The following CSMD1 variants were observed in gnomAD, a reference collection of about 807,000 sequenced individuals.
CSMD1 encodes CUB and Sushi multiple domains 1, also known as CUB and sushi domain-containing protein 1.
Under a neutral mutation model 417.5 loss-of-function variants are expected in CSMD1, and 213 were observed. The observed-to-expected ratio is 0.51, with a 90% CI of 0.46 to 0.57. CSMD1 has a LOEUF of 0.57. Among genes scored for constraint, CSMD1 ranks in the 20% least tolerant of loss-of-function variants. The probability of loss-of-function intolerance (pLI) is 0.00; values close to 1 mark genes in which losing one functional copy is unlikely to be tolerated. For synonymous variants in CSMD1, 2,862 were observed against 1,736.8 expected, an observed-to-expected ratio of 1.65 and a Z score of -16.11; for missense variants, 6,923 against 4,529.7, an observed-to-expected ratio of 1.53 and a Z score of -15.17.
chr8:3,670,906 T>A (rs1388186547), intron 7 of CSMD1, among the ~76,000 whole-genome samples: 1 of 118,058 alleles, frequency 8.5e-6, no homozygotes. Flanking sequence ...GATATATATG[T>A]ATATGGGATA....
chr8:3,696,961 G>A (rs1800586533), intron 7 of CSMD1, among the ~76,000 whole-genome samples: 1 of 152,112 alleles, frequency 6.6e-6, no homozygotes, highest in Non-Finnish European at 1.5e-5. Context: ...GGACTATAGA[G>A]TTTGGGACTG....
intron 5 of CSMD1, among the ~76,000 whole-genome samples, chr8:3,866,549 G>C (rs564018431): frequency 2.0e-5 from 3 of 152,146 alleles, no homozygotes; most frequent in African/African-American, 7.2e-5. Context: ...GTCTTTAAAT[G>C]ACCTTTTTAG....
intron 1 of CSMD1, among the ~76,000 whole-genome samples, chr8:4,923,498 C>A (rs1390319843): frequency 6.6e-6 from 1 of 150,934 alleles, no homozygotes; most frequent in Non-Finnish European, 1.5e-5. Context: ...TACTTTCTCT[C>A]TAAATATAAA....
At chr8:3,512,595 TTTTTC>T (rs1255529330) in intron 10 of CSMD1, among the ~76,000 whole-genome samples, 2 of 141,708 alleles carry the variant, frequency 1.4e-5, no homozygotes, top group African/African-American at 5.8e-5. Flanking sequence ...TACTTTAATT[TTTTTC>T]TTTTTTTTTT....
At chr8:3,923,926 GTTAGA>G (rs1020858503) in intron 5 of CSMD1, among the ~76,000 whole-genome samples, 26 of 152,174 alleles carry the variant, frequency 1.7e-4, no homozygotes, top group African/African-American at 5.6e-4. Flanking sequence ...TCATAAAAGA[GTTAGA>G]TTTTTCACCA....
chr8:4,346,158 A>T (rs1203649235), intron 3 of CSMD1, among the ~76,000 whole-genome samples: 1 of 152,174 alleles, frequency 6.6e-6, no homozygotes, highest in African/African-American at 2.4e-5. Flanking sequence ...CATGCTGGTC[A>T]ACTATGGTTA....
At position 3,445,878 on chromosome 8, in the gene CSMD1, AG is replaced by A. The variant is rs200462627; in HGVS notation, c.1561+22833del. 8.2e-3 allele frequency among the ~76,000 whole-genome samples: 1,244 copies of A among 152,334 alleles called. 10 individuals are homozygous for A. The highest frequency in any genetic ancestry group is 0.028 in the African/African-American group (1,157 of 41,566). On this transcript the variant is annotated intron_variant, in intron 12 of 69. Coordinates refer to ENST00000635120, the MANE Select transcript of CSMD1 (RefSeq NM_033225.6). ...ATTCAAGATGGTATGTTATAGAAAT[AG>A]CAAAAGCGTAAAATTGAGATCTATC...
chr8:4,471,660 A>C (rs1800540844), intron 2 of CSMD1, among the ~76,000 whole-genome samples: 1 of 152,084 alleles, frequency 6.6e-6, no homozygotes, highest in South Asian at 2.1e-4. Context: ...GGGAATGCTC[A>C]CCCTGGTTGA....
At chr8:2,967,985 C>T (rs13257902) in intron 57 of CSMD1, among the ~76,000 whole-genome samples, 1 of 152,182 alleles carries the variant, frequency 6.6e-6, no homozygotes, top group African/African-American at 2.4e-5. Context: ...TCACAGCCCT[C>T]TTCTCTGATG....
chr8:4,403,366 C>T (rs1289794904), intron 3 of CSMD1, among the ~76,000 whole-genome samples: 2 of 152,128 alleles, frequency 1.3e-5, no homozygotes. Flanking sequence ...GAAGTCTCTA[C>T]TTGACCTCTC....
At chr8:3,134,887 G>A (rs1396475199) in intron 41 of CSMD1, among the ~76,000 whole-genome samples, 1 of 152,210 alleles carries the variant, frequency 6.6e-6, no homozygotes, top group Non-Finnish European at 1.5e-5. Context: ...AGCATAGAGT[G>A]TGGCGCAGAG....
At chr8:4,681,861 T>C (rs1806072614) in intron 1 of CSMD1, among the ~76,000 whole-genome samples, 1 of 152,266 alleles carries the variant, frequency 6.6e-6, no homozygotes, top group Middle Eastern at 3.4e-3. Flanking sequence ...GTGAGGAAGG[T>C]AACTCTGCAG....
chr8:4,421,016 G>C (rs901766770), intron 2 of CSMD1, among the ~76,000 whole-genome samples: 1 of 151,994 alleles, frequency 6.6e-6, no homozygotes, highest in African/African-American at 2.4e-5. Context: ...TCTGCTGTCT[G>C]CTTTTATTTT....
intron 2 of CSMD1, among the ~76,000 whole-genome samples, chr8:4,544,230 G>C (rs556340501): frequency 1.3e-5 from 2 of 152,028 alleles, no homozygotes; most frequent in South Asian, 2.1e-4. Flanking sequence ...TCATCCTTGT[G>C]TGGTTATATA....
intron 2 of CSMD1, among the ~76,000 whole-genome samples, chr8:4,443,739 G>A (rs115149289): frequency 1.8e-4 from 27 of 152,228 alleles, no homozygotes; most frequent in African/African-American, 6.5e-4. Context: ...TCCAAAATAT[G>A]AACAGTTTTA....
At chr8:3,349,055 C>A (rs1005262558) in intron 21 of CSMD1, among the ~76,000 whole-genome samples, 1 of 152,200 alleles carries the variant, frequency 6.6e-6, no homozygotes, top group African/African-American at 2.4e-5. Flanking sequence ...AACAATTTTA[C>A]AGACTATACT....
chr8:4,834,439 G>A (rs538735065), intron 1 of CSMD1, among the ~76,000 whole-genome samples: 2 of 152,186 alleles, frequency 1.3e-5, no homozygotes, highest in East Asian at 1.9e-4. Flanking sequence ...AAAGAGGATT[G>A]AGTGGGCACA....
intron 3 of CSMD1, among the ~76,000 whole-genome samples, chr8:4,226,739 T>G (rs1256344462): frequency 1.3e-5 from 2 of 152,328 alleles, no homozygotes; most frequent in Non-Finnish European, 1.5e-5. Flanking sequence ...TAATAATCAG[T>G]TAACCTGGCA....
intron 3 of CSMD1, among the ~76,000 whole-genome samples, chr8:4,073,407 C>T (rs1053865398): frequency 6.6e-6 from 1 of 152,024 alleles, no homozygotes. Context: ...TTAGAAGAAG[C>T]TGAGGGAAAT....
Sources: allele counts gnomAD v4.1 joint callset (sites outside exome capture counted in the v4.1 genomes callset), GRCh38; gene constraint gnomAD v4.1.1; transcripts MANE v1.5; gene names NCBI Gene and HGNC (gene_info 2026-07-23, HGNC 2026-07-21).